ABTB3: variants seen among roughly 807,000 people sequenced by gnomAD.
ABTB3 encodes ankyrin repeat- and BTB/POZ domain-containing protein 3.
the ABTB3 span, among the ~76,000 whole-genome samples, chr12:107,426,932 T>A: frequency 1.3e-5 from 2 of 152,138 alleles, no homozygotes; most frequent in Non-Finnish European, 2.9e-5. Flanking sequence ...AGCCCCCTTA[T>A]TCTCCTGCTT....
At chr12:107,385,680 C>A in the ABTB3 span, among the ~76,000 whole-genome samples, 2 of 152,142 alleles carry the variant, frequency 1.3e-5, no homozygotes, top group East Asian at 1.9e-4. Context: ...CCCAGGCCCC[C>A]TGGAGCTGCC....
the ABTB3 span, among the ~76,000 whole-genome samples, chr12:107,384,490 G>C: frequency 6.6e-6 from 1 of 152,208 alleles, no homozygotes; most frequent in South Asian, 2.1e-4. Flanking sequence ...AGGTGTCGTA[G>C]GTTGAGTTTC....
At chr12:107,476,515 A>G in the ABTB3 span, among the ~76,000 whole-genome samples, 19 of 152,082 alleles carry the variant, frequency 1.2e-4, no homozygotes, top group Admixed American at 2.6e-4. Flanking sequence ...AATAGAGATA[A>G]TAAGGCAGAA....
chr12:107,581,514 G>A, the ABTB3 span, among the ~76,000 whole-genome samples: 2 of 152,210 alleles, frequency 1.3e-5, no homozygotes, highest in African/African-American at 2.4e-5. Flanking sequence ...GGCGAGGCCC[G>A]TGGAGGACGG....
the ABTB3 span, among the ~76,000 whole-genome samples, chr12:107,343,181 T>C: frequency 1.3e-5 from 2 of 151,678 alleles, no homozygotes; most frequent in Non-Finnish European, 2.9e-5. Context: ...CACCTGGCTG[T>C]TTTTTTGGTT....
chr12:107,579,581 A>G, the ABTB3 span, among the ~76,000 whole-genome samples: 1 of 152,220 alleles, frequency 6.6e-6, no homozygotes, highest in African/African-American at 2.4e-5. Flanking sequence ...AGATCTGACT[A>G]TAGGAAAACT....
the ABTB3 span, among the ~76,000 whole-genome samples, chr12:107,381,082 A>T: frequency 8.2e-6 from 1 of 122,016 alleles, no homozygotes; most frequent in Non-Finnish European, 1.8e-5. Context: ...TTCTGTCTAC[A>T]CTACCCACCC....
the ABTB3 span, among the ~76,000 whole-genome samples, chr12:107,539,763 T>A: frequency 6.6e-6 from 1 of 152,284 alleles, no homozygotes; most frequent in South Asian, 2.1e-4. Flanking sequence ...TTAACCCTCA[T>A]AACCACCTGA....
At chr12:107,342,523 G>A in the ABTB3 span, among the ~76,000 whole-genome samples, 3 of 152,000 alleles carry the variant, frequency 2.0e-5, no homozygotes, top group South Asian at 2.1e-4. Context: ...CCTTCTTATC[G>A]GAGCCTCGCC....
the ABTB3 span, among the ~76,000 whole-genome samples, chr12:107,592,656 C>T: frequency 1.3e-5 from 2 of 152,328 alleles, no homozygotes; most frequent in East Asian, 3.9e-4. Context: ...GCTAACACTT[C>T]TATAAAGTTC....
the ABTB3 span, among the ~76,000 whole-genome samples, chr12:107,367,665 TGGCTA>T: frequency 6.6e-6 from 1 of 152,164 alleles, no homozygotes; most frequent in Non-Finnish European, 1.5e-5. Flanking sequence ...GGCACCACCC[TGGCTA>T]ATTTTTTGTA....
chr12:107,524,657 G>T, the ABTB3 span, among the ~76,000 whole-genome samples: 2 of 152,196 alleles, frequency 1.3e-5, no homozygotes, highest in Non-Finnish European at 2.9e-5. Flanking sequence ...GCAAGAGGAG[G>T]TTAAACAACT....
At chr12:107,319,761 C>G in the ABTB3 span, 51 of 1,498,672 alleles carry the variant, frequency 3.4e-5, no homozygotes, top group African/African-American at 7.2e-5. Flanking sequence ...GGCCCAGGCC[C>G]GAGCTCGGGC....
chr12:107,451,464 C>A, the ABTB3 span, among the ~76,000 whole-genome samples: 1 of 152,176 alleles, frequency 6.6e-6, no homozygotes, highest in Non-Finnish European at 1.5e-5. Flanking sequence ...AAATAACTAT[C>A]TTCACCTGGT....
At chr12:107,653,386 G>A in the ABTB3 span, among the ~76,000 whole-genome samples, 1 of 152,060 alleles carries the variant, frequency 6.6e-6, no homozygotes, top group Admixed American at 6.5e-5. Flanking sequence ...GCATGGTGGC[G>A]GGCGCCTGTA....
chr12:107,447,752 C>T, the ABTB3 span, among the ~76,000 whole-genome samples: 1 of 152,180 alleles, frequency 6.6e-6, no homozygotes, highest in African/African-American at 2.4e-5. Flanking sequence ...TTATGGAGCC[C>T]ACCCTTCCCT....
the ABTB3 span, among the ~76,000 whole-genome samples, chr12:107,426,428 G>C: frequency 6.6e-5 from 10 of 152,136 alleles, no homozygotes; most frequent in Admixed American, 5.2e-4. Context: ...CTAGCCCGAG[G>C]CCTGGAGTGG....
At chr12:107,554,499 G>A in the ABTB3 span, among the ~76,000 whole-genome samples, 1 of 152,172 alleles carries the variant, frequency 6.6e-6, no homozygotes, top group Non-Finnish European at 1.5e-5. Flanking sequence ...ATCTACTTCA[G>A]AGGGCTGTTA....
At chr12:107,575,367 T>C in the ABTB3 span, among the ~76,000 whole-genome samples, 20 of 152,292 alleles carry the variant, frequency 1.3e-4, no homozygotes, top group South Asian at 3.9e-3. Flanking sequence ...CCCCCATTTA[T>C]TGAGCACTTT....
Sources: gnomAD v4.1 joint callset for allele counts (sites outside exome capture counted in the v4.1 genomes callset) on GRCh38, gnomAD v4.1.1 for gene constraint, MANE v1.5 for transcripts, NCBI Gene and HGNC (gene_info 2026-07-23, HGNC 2026-07-21) for gene names.